BRAF: variants seen among roughly 807,000 people sequenced by gnomAD.
BRAF encodes the protein B-Raf proto-oncogene, serine/threonine kinase, also known as serine/threonine-protein kinase B-raf.
Under a neutral mutation model 104.6 loss-of-function variants are expected in BRAF, and 16 were observed. The observed-to-expected ratio is 0.15, with a 90% CI of 0.10 to 0.23. The LOEUF (loss-of-function observed/expected upper bound fraction) is 0.23, where lower values mean the gene tolerates loss of function less well. Ranked by LOEUF, BRAF falls within the 10% of genes least tolerant of loss-of-function variation. BRAF has a pLI of 1.00. For synonymous variants in BRAF, 310 were observed against 341.6 expected (o/e 0.91, Z 1.02); for missense variants, 541 against 937.3 (o/e 0.58, Z 5.52).
intron 5 of BRAF, among the ~76,000 whole-genome samples, chr7:140,806,590 C>G (rs928525853): frequency 1.4e-4 from 22 of 152,078 alleles, no homozygotes; most frequent in Admixed American, 1.2e-3. Flanking sequence ...TTTCTTTTAT[C>G]TCCTCATATT....
intron 8 of BRAF, among the ~76,000 whole-genome samples, chr7:140,790,085 A>C (rs1227702279): frequency 6.6e-6 from 1 of 152,236 alleles, no homozygotes; most frequent in Non-Finnish European, 1.5e-5. Context: ...CTGATAAAGC[A>C]GTCAAGGAAT....
intron 1 of BRAF, among the ~76,000 whole-genome samples, chr7:140,910,783 C>T (rs1009582003): frequency 5.3e-5 from 8 of 152,090 alleles, no homozygotes; most frequent in South Asian, 2.1e-4. Context: ...GCAATCCTCC[C>T]GCCCTCAGCC....
chr7:140,757,828 TGAG>T (rs1162225024), intron 14 of BRAF, among the ~76,000 whole-genome samples: 1 of 152,232 alleles, frequency 6.6e-6, no homozygotes, highest in African/African-American at 2.4e-5. Context: ...AAGAGAGGAC[TGAG>T]GATAGGAATC....
At chr7:140,753,619 T>C in intron 15 of BRAF, 1 of 415,372 alleles carries the variant, frequency 2.4e-6, no homozygotes, top group South Asian at 2.3e-5. Flanking sequence ...GCTTGAAATG[T>C]GTTAGGATGA....
chr7:140,905,286 T>C (rs570529568), intron 1 of BRAF, among the ~76,000 whole-genome samples: 2 of 152,380 alleles, frequency 1.3e-5, no homozygotes, highest in African/African-American at 4.8e-5. Flanking sequence ...TCTTGTAGTT[T>C]TGTTTAACTT....
At chr7:140,913,465 A>C (rs1451768787) in intron 1 of BRAF, among the ~76,000 whole-genome samples, 1 of 132,858 alleles carries the variant, frequency 7.5e-6, no homozygotes, top group Non-Finnish European at 1.6e-5. Context: ...AATGTTAATC[A>C]CAGCTTTTTT....
chr7:140,732,027 C>T (rs1241857826), intron 19 of BRAF: 5 of 148,680 alleles, frequency 3.4e-5, no homozygotes, highest in South Asian at 2.2e-4. Context: ...AAAAATTAGC[C>T]GGGCGTAGTG....
At chr7:140,841,609 A>AT (rs1278311972) in intron 2 of BRAF, among the ~76,000 whole-genome samples, 1 of 152,224 alleles carries the variant, frequency 6.6e-6, no homozygotes, top group East Asian at 1.9e-4. Context: ...CTTTGGAAAC[A>AT]TTACATTAAG....
At chr7:140,753,721 G>A in intron 15 of BRAF, 1 of 307,854 alleles carries the variant, frequency 3.2e-6, no homozygotes, top group South Asian at 3.4e-5. Flanking sequence ...GGCACTCCTG[G>A]GCGAGCAGTA....
At chr7:140,913,946 G>A (rs934350547) in intron 1 of BRAF, among the ~76,000 whole-genome samples, 2 of 152,140 alleles carry the variant, frequency 1.3e-5, no homozygotes, top group African/African-American at 2.4e-5. Flanking sequence ...ATTAAATAAT[G>A]TTTTAAAGTA....
At chr7:140,856,505 G>A (rs1384945263) in intron 1 of BRAF, among the ~76,000 whole-genome samples, 1 of 152,116 alleles carries the variant, frequency 6.6e-6, no homozygotes, top group African/African-American at 2.4e-5. Context: ...AGAACAGCAA[G>A]CCTAAAGACA....
chr7:140,848,595 C>A (rs762153978), intron 2 of BRAF, among the ~76,000 whole-genome samples: 2 of 152,150 alleles, frequency 1.3e-5, no homozygotes, highest in Non-Finnish European at 2.9e-5. Flanking sequence ...AGCATGGGTT[C>A]AAAGTCTCCA....
intron 2 of BRAF, among the ~76,000 whole-genome samples, chr7:140,837,553 G>A (rs1216359795): frequency 6.6e-6 from 1 of 152,038 alleles, no homozygotes; most frequent in Non-Finnish European, 1.5e-5. Flanking sequence ...ACAAATTTTG[G>A]GTAAGTCTGA....
intron 1 of BRAF, among the ~76,000 whole-genome samples, chr7:140,919,240 C>T (rs1259909885): frequency 6.6e-6 from 1 of 152,078 alleles, no homozygotes; most frequent in East Asian, 1.9e-4. Flanking sequence ...ACCACCGTCC[C>T]ACAGTACATT....
intron 3 of BRAF, among the ~76,000 whole-genome samples, chr7:140,827,094 A>T (rs1181074720): frequency 6.6e-6 from 1 of 152,166 alleles, no homozygotes; most frequent in Non-Finnish European, 1.5e-5. Context: ...TGTGTTTCTT[A>T]TAAAATAGAA....
chr7:140,757,573 C>T (rs1050269050), intron 14 of BRAF, among the ~76,000 whole-genome samples: 1 of 152,178 alleles, frequency 6.6e-6, no homozygotes, highest in African/African-American at 2.4e-5. Flanking sequence ...CAGGCGTGAG[C>T]CACCACGCCC....
At chr7:140,713,658 C>T in the BRAF span, among the ~76,000 whole-genome samples, 3 of 152,230 alleles carry the variant, frequency 2.0e-5, no homozygotes, top group African/African-American at 4.8e-5. Context: ...TGAGGAACTG[C>T]ATTCCTTTGG....
At chr7:140,714,722 A>G (rs906781107), downstream of BRAF, among the ~76,000 whole-genome samples, 2 of 152,152 alleles carry the variant, frequency 1.3e-5, no homozygotes, top group African/African-American at 2.4e-5. Flanking sequence ...ACTAAAGAAG[A>G]TAAGGTTCTG....
At chr7:140,810,147 A>C (rs904384555) in intron 3 of BRAF, among the ~76,000 whole-genome samples, 1 of 152,214 alleles carries the variant, frequency 6.6e-6, no homozygotes, top group African/African-American at 2.4e-5. Flanking sequence ...GGGGAAAAAA[A>C]GGGGGTAAAG....
Sources: allele counts gnomAD v4.1 joint callset (sites outside exome capture counted in the v4.1 genomes callset), GRCh38; gene constraint gnomAD v4.1.1; transcripts MANE v1.5; gene names NCBI Gene and HGNC (gene_info 2026-07-23, HGNC 2026-07-21).